FASTKD2: variants seen among roughly 807,000 people sequenced by gnomAD.
The protein encoded by FASTKD2 is FAST kinase domain-containing protein 2, mitochondrial.
A neutral mutation model predicts 63.6 loss-of-function variants in FASTKD2; 51 were observed. That is an observed-to-expected ratio of 0.80 (90% CI 0.64 to 1.01). FASTKD2 has a LOEUF of 1.01. FASTKD2 is among the 50% of genes least tolerant of loss of function. The pLI is 0.00. For synonymous variants in FASTKD2, 284 were observed against 293.4 expected (o/e 0.97, Z 0.33); for missense variants, 786 against 831.1 (o/e 0.95, Z 0.67).
At chr2:206,788,294 A>C (rs1690190096) in intron 9 of FASTKD2, 139 bp downstream of exon 9, 11 of 614,158 alleles carry the variant, frequency 1.8e-5, no homozygotes, top group Non-Finnish European at 2.6e-5. Flanking sequence ...TTGCCTCATA[A>C]AATTCTTGTG....
chr2:206,787,845 AT>A, intron 8 of FASTKD2, 91 bp from the exon 9 acceptor site: 2 of 537,900 alleles, frequency 3.7e-6, no homozygotes, highest in South Asian at 2.9e-5. Context: ...TATATTTATT[AT>A]TTTATAACTA....
chr2:206,774,986 T>C (rs1689784045), intron 7 of FASTKD2, among the ~76,000 whole-genome samples: 1 of 152,072 alleles, frequency 6.6e-6, no homozygotes, highest in Non-Finnish European at 1.5e-5. Flanking sequence ...TTTATATAAG[T>C]GGAGTCATGC....
At chr2:206,787,898 ATTTC>A (rs764692830) in intron 8 of FASTKD2, 35 bp from the exon 9 acceptor site, 4 of 1,166,786 alleles carry the variant, frequency 3.4e-6, no homozygotes. Context: ...TGTTGCATTT[ATTTC>A]TTCTTAATGA....
intron 1 of FASTKD2, 128 bp from the exon 2 acceptor site, chr2:206,766,516 T>G: frequency 1.6e-6 from 1 of 614,930 alleles, no homozygotes; most frequent in South Asian, 2.0e-5. Context: ...AAAAAACTTT[T>G]ACTGTTTTAT....
rs1306327308 is a variant in FASTKD2 at position 206,791,271 on chromosome 2, G to A, written c.2014-412G>A. On this transcript the variant is annotated intron_variant, in intron 11 of 11. Transcript: ENST00000402774. ...CTAAATGCCACTCATTTGGTCCTGCGCATAATGTAAGATGTAAACATTCCA... is the reference window on the plus strand; with the variant it reads ...CTAAATGCCACTCATTTGGTCCTGCACATAATGTAAGATGTAAACATTCCA... The A allele has an allele frequency of 2.4e-5, 5 of 210,004 alleles. No individual in the cohort carries two copies. The East Asian group carries it at 3.8e-4, about 16-fold the overall frequency. The allele number at this position is 210,004 out of a possible 1,614,324, so 13.0% of individuals were successfully genotyped here. A position where few individuals can be genotyped will look rare whatever the true frequency, so the allele number is the denominator to read the frequency against.
intron 7 of FASTKD2, 93 bp downstream of exon 7, chr2:206,774,490 A>G (rs1212532951): frequency 6.2e-6 from 5 of 812,260 alleles, no homozygotes; most frequent in African/African-American, 5.1e-5. Context: ...ACAAGTGAAC[A>G]CACCCATAGT....
At chr2:206,776,113 G>A (rs768533) in intron 7 of FASTKD2, among the ~76,000 whole-genome samples, 39,195 of 150,752 alleles carry the variant, frequency 0.26, 6,087 homozygotes, top group East Asian at 0.71. Flanking sequence ...ATGTTATAAT[G>A]TGTAAACATA....
rs776868356 is a variant in FASTKD2, at chr2:206,788,922, A to T, written c.1898+19A>T. The stretch of plus-strand genomic sequence containing the variant: ...TTCAAAGGTTGCTTACATATATTTC[A>T]TTTGCTGGGCTTTCTGAATTAAAAT... On this transcript the variant is annotated intron_variant, in intron 10 of 11. Transcript: ENST00000402774. The T allele has an allele frequency of 5.6e-6, 7 of 1,240,932 alleles. No homozygotes were observed. Among genetic ancestry groups the T allele is most frequent in the Non-Finnish European group, 7.1e-6 (6 of 840,660 alleles). 76.9% of individuals were successfully genotyped at this position (1,240,932 alleles called of 1,614,324 possible). A position where few individuals can be genotyped will look rare whatever the true frequency, so the allele number is the denominator to read the frequency against.
rs1403000721 is a variant in FASTKD2 at position 206,765,680 on chromosome 2, A to G, written c.-118A>G. On this transcript the variant is annotated 5_prime_UTR_variant, in exon 1 of 12. Transcript: ENST00000402774. The stretch of plus-strand genomic sequence containing the variant: ...GTGAGTGGAGGACGAGCTTGGGCTT[A>G]GCGGCAGCCCGTATCACATCCTAGA... 1.1e-5 allele frequency: 3 copies of G among 264,174 alleles called. No homozygotes were observed. Among genetic ancestry groups the G allele is most frequent in the African/African-American group, 6.8e-5 (3 of 43,874 alleles). 16.4% of individuals were successfully genotyped at this position (264,174 alleles called of 1,614,324 possible). A position where few individuals can be genotyped will look rare whatever the true frequency, so the allele number is the denominator to read the frequency against.
chr2:206,787,908 A>T (rs1430626021), intron 8 of FASTKD2, 29 bp from the exon 9 acceptor site: 1 of 1,266,554 alleles, frequency 7.9e-7, no homozygotes, highest in Non-Finnish European at 1.2e-6. Flanking sequence ...ATTTCTTCTT[A>T]ATGATATACT....
rs758094541 is a variant in FASTKD2, at chr2:206,767,306, C to T, written c.613C>T (p.Arg205Ter). ...TGATGACCAGAAGCGCTTTGAAAAA[C>T]GACTGATGTTTAGCCACCCTGCATT... ...LSDDQKRFEK[R>*]LMFSHPAFNQ... Residue 205 changes from arginine (R) to a stop codon, truncating the protein, a stop_gained, in exon 2 of 12, where the codon CGA (arginine) becomes TGA (stop). Transcript: ENST00000402774. LOFTEE classifies it high-confidence loss of function. 3.1e-6 allele frequency: 5 copies of T among 1,614,012 alleles called. No individual in the cohort carries two copies. Among genetic ancestry groups the T allele is most frequent in the East Asian group, 2.2e-5 (1 of 44,878 alleles).
Position 206,795,821 on chromosome 2 carries a change from C to T in FASTKD2, c.*4019C>T, listed in dbSNP as rs1169261595. Among the ~76,000 whole-genome samples, 1 of 152,180 alleles carries T rather than the reference C, an allele frequency of 6.6e-6. No homozygotes were observed. The highest frequency in any genetic ancestry group is 2.4e-5 in the African/African-American group (1 of 41,444). On this transcript the variant is annotated 3_prime_UTR_variant, in exon 12 of 12. Coordinates refer to ENST00000402774, the MANE Select transcript of FASTKD2 (RefSeq NM_001136193.2). ...GTGGTGTGGCAGGACGAGGAGCATC[C>T]ATTTTGCTGGTGGGGATTGTGGCTA...
At position 206,794,932 on chromosome 2, in the gene FASTKD2, G is replaced by A. The variant is rs1267246576; in HGVS notation, c.*3130G>A. 1.3e-5 allele frequency among the ~76,000 whole-genome samples: 2 copies of A among 152,162 alleles called. No homozygotes were observed. The highest frequency in any genetic ancestry group is 1.9e-4 in the East Asian group (1 of 5,180). Reference sequence around the variant, plus strand: ...TACTTGGAACTACCTATGAGGAGCTGGCATTCCTCAAATCCCAACTGACTG... The same window carrying A: ...TACTTGGAACTACCTATGAGGAGCTAGCATTCCTCAAATCCCAACTGACTG... On this transcript the variant is annotated 3_prime_UTR_variant, in exon 12 of 12. Transcript: ENST00000402774.
At chr2:206,791,644 C>T (rs546901420) in intron 11 of FASTKD2, 39 bp from the exon 12 acceptor site, 7 of 1,595,006 alleles carry the variant, frequency 4.4e-6, no homozygotes, top group Admixed American at 3.3e-5. Flanking sequence ...TTGTTAGTAT[C>T]GTCTCACAAA....
rs547488944 is a variant in FASTKD2, at chr2:206,793,681, A to G, written c.*1879A>G. On this transcript the variant is annotated 3_prime_UTR_variant, in exon 12 of 12. Transcript: ENST00000402774. ...TTCAAAGGATTTGACAAATTTGTGA[A>G]TATTTATGACCACCTTTTAGGGTAG... Among the ~76,000 whole-genome samples, 3 of 152,332 alleles carry G rather than the reference A, an allele frequency of 2.0e-5. No individual in the cohort carries two copies. The highest frequency in any genetic ancestry group is 2.0e-4 in the Admixed American group (3 of 15,294).
At chr2:206,780,318 G>A (rs2112088) in intron 7 of FASTKD2, among the ~76,000 whole-genome samples, 88,769 of 152,010 alleles carry the variant, frequency 0.58, 27,790 homozygotes, top group East Asian at 0.97. Context: ...CTTGGCTTTC[G>A]TTTGTTTGGG....
In FASTKD2 at chr2:206,771,266, G is replaced by A. The variant is rs770533635; in HGVS notation, c.966G>A (p.Pro322=). 42 of 1,606,704 alleles carry A rather than the reference G, an allele frequency of 2.6e-5. No homozygotes were observed. Among genetic ancestry groups the A allele is most frequent in the East Asian group, 4.5e-5 (2 of 44,794 alleles). Residue 322 remains proline, a synonymous_variant, in exon 4 of 12, where the codon CCG becomes CCA. Transcript: ENST00000402774. ...VVMKCIGKDA[P]IALKRKLEMK... ...TGAAGTGTATTGGAAAAGATGCACC[G>A]ATTGCTCTTAAGAGGAAACTGGAGG... is the stretch of plus-strand genomic sequence containing the variant.
chr2:206,792,153 AATCTGAAT>A lies in FASTKD2; in HGVS notation c.*354_*361del. The A allele has an allele frequency of 3.3e-6, 1 of 305,708 alleles. No homozygotes were observed. The highest frequency in any genetic ancestry group is 6.2e-6 in the Non-Finnish European group (1 of 160,442). 18.9% of individuals were successfully genotyped at this position (305,708 alleles called of 1,614,324 possible). A position where few individuals can be genotyped will look rare whatever the true frequency, so the allele number is the denominator to read the frequency against. ...TGTGGGTAGTAGTCCTTGTCTTTGG[AATCTGAAT>A]ATTTATACTCCTGCTCTAAGCTGTT... On this transcript the variant is annotated 3_prime_UTR_variant, in exon 12 of 12. Transcript: ENST00000402774.
intron 9 of FASTKD2, among the ~76,000 whole-genome samples, chr2:206,788,490 T>C (rs1040815561): frequency 6.6e-6 from 1 of 152,092 alleles, no homozygotes; most frequent in African/African-American, 2.4e-5. Context: ...TCCTAGCATG[T>C]GGAGAGGCCG....
Sources: allele counts gnomAD v4.1 joint callset (sites outside exome capture counted in the v4.1 genomes callset), GRCh38; gene constraint gnomAD v4.1.1; transcripts MANE v1.5; gene names NCBI Gene and HGNC (gene_info 2026-07-23, HGNC 2026-07-21).